The following B4GALNT3 variants were observed in gnomAD, a reference collection of about 807,000 sequenced individuals.
B4GALNT3 encodes the protein beta-1,4-N-acetylgalactosaminyltransferase 3.
Under a neutral mutation model 120.2 loss-of-function variants are expected in B4GALNT3, and 86 were observed. The observed-to-expected ratio is 0.72, with a 90% CI of 0.60 to 0.86. The LOEUF (loss-of-function observed/expected upper bound fraction) is 0.86, where lower values mean the gene tolerates loss of function less well. B4GALNT3 is among the 40% of genes least tolerant of loss of function. The pLI is 0.00. For synonymous variants in B4GALNT3, 518 were observed against 510.4 expected (o/e 1.01, Z -0.20); for missense variants, 1,167 against 1,298.9 (o/e 0.90, Z 1.56).
intron 12 of B4GALNT3, 50 bp from the exon 13 acceptor site, chr12:552,417 T>G: frequency 1.3e-6 from 2 of 1,568,992 alleles, no homozygotes; most frequent in South Asian, 1.1e-5. Flanking sequence ...GAGCCAGGGC[T>G]GAGCCCGCCA....
At chr12:521,196 C>A (rs1249706381) in intron 1 of B4GALNT3, among the ~76,000 whole-genome samples, 1 of 152,150 alleles carries the variant, frequency 6.6e-6, no homozygotes, top group African/African-American at 2.4e-5. Context: ...GGTCCTTCTG[C>A]CAGCAGGACT....
In B4GALNT3 at chr12:511,339, T is replaced by TCTG. The variant is rs1186415493; in HGVS notation, c.170-23826_170-23825insTGC. On this transcript the variant is annotated intron_variant, in intron 1 of 19. Coordinates refer to ENST00000266383, the MANE Select transcript of B4GALNT3 (RefSeq NM_173593.4). The stretch of plus-strand genomic sequence containing the variant: ...GCCTTCTGCCTTCCACCTTCCACCT[T>TCTG]CCTTCCACCTTCCACCTTCCACCTT... Among the ~76,000 whole-genome samples, 505 of 51,142 alleles carry TCTG rather than the reference T, an allele frequency of 9.9e-3. 45 individuals are homozygous for TCTG. The highest frequency in any genetic ancestry group is 0.042 in the African/African-American group (443 of 10,448). 33.6% of individuals were successfully genotyped at this position (51,142 alleles called of 152,430 possible). A position where few individuals can be genotyped will look rare whatever the true frequency, so the allele number is the denominator to read the frequency against.
At position 550,518 on chromosome 12, in the gene B4GALNT3, A is replaced by C. The variant is rs1305722079; in HGVS notation, c.998-404A>C. Among the ~76,000 whole-genome samples, 1 of 152,048 alleles carries C rather than the reference A, an allele frequency of 6.6e-6. No homozygotes were observed. Among genetic ancestry groups the C allele is most frequent in the Non-Finnish European group, 1.5e-5 (1 of 68,036 alleles). On this transcript the variant is annotated intron_variant, in intron 10 of 19. Transcript: ENST00000266383. The surrounding 1 kb of genome is among the most constrained non-coding windows in gnomAD (Gnocchi z 4.1). ...AACAAACAAACAAAAAAAACAACAA[A>C]GTTTCTTTACTCCTCACCCCTCTCA...
At position 550,494 on chromosome 12, in the gene B4GALNT3, AC is replaced by A. The variant is rs5795925; in HGVS notation, c.998-427del. On this transcript the variant is annotated intron_variant, in intron 10 of 19. Coordinates refer to ENST00000266383, the MANE Select transcript of B4GALNT3 (RefSeq NM_173593.4). This position sits in a 1 kb window ranked among gnomAD's most constrained non-coding sequence, Gnocchi z 4.1. ...ACAGAGTGAGATCCTGTCAAAAAAA[AC>A]AAACAAACAAAAAAAACAACAAAGT... Among the ~76,000 whole-genome samples the A allele has an allele frequency of 0.13, 19,441 of 151,508 alleles. 1,490 individuals carry two copies. The highest frequency in any genetic ancestry group is 0.24 in the Admixed American group (3,664 of 15,116).
chr12:511,890 A>T (rs1457538827), intron 1 of B4GALNT3, among the ~76,000 whole-genome samples: 3 of 49,592 alleles, frequency 6.0e-5, no homozygotes, highest in Admixed American at 2.2e-4. Context: ...ACCTTCTTCC[A>T]CCTTCCACCT....
In B4GALNT3 at chr12:550,893, C is replaced by CCTCACT; in HGVS notation, c.998-27_998-22dup. 1.3e-6 allele frequency: 2 copies of CCTCACT among 1,555,740 alleles called. No individual in the cohort carries two copies. Among genetic ancestry groups the CCTCACT allele is most frequent in the Non-Finnish European group, 1.8e-6 (2 of 1,128,046 alleles). On this transcript the variant is annotated intron_variant, in intron 10 of 19. Coordinates refer to ENST00000266383, the MANE Select transcript of B4GALNT3 (RefSeq NM_173593.4). This position sits in a 1 kb window ranked among gnomAD's most constrained non-coding sequence, Gnocchi z 4.1. ...GCCCCAGTTTCGTGCTCACCCTCAC[C>CCTCACT]CTCACTCCTCCTCCTCCACTGTCCT... is the stretch of plus-strand genomic sequence containing the variant.
At chr12:516,001 C>G (rs1261292217) in intron 1 of B4GALNT3, among the ~76,000 whole-genome samples, 4 of 151,918 alleles carry the variant, frequency 2.6e-5, no homozygotes, top group Admixed American at 2.6e-4. Flanking sequence ...CAAAAATTAG[C>G]CAGGCGTGGT....
rs560175299 is a variant in B4GALNT3 at position 469,031 on chromosome 12, T to G, written c.169+8486T>G. ...GTGTATTCTGCAGTTTTTATTTATT[T>G]TGTAAACCTTGAGTGGCTGCAGAAG... On this transcript the variant is annotated intron_variant, in intron 1 of 19. Coordinates refer to ENST00000266383, the MANE Select transcript of B4GALNT3 (RefSeq NM_173593.4). 3.3e-3 allele frequency among the ~76,000 whole-genome samples: 498 copies of G among 152,348 alleles called. 6 individuals carry two copies. Among genetic ancestry groups the G allele is most frequent in the African/African-American group, 0.011 (475 of 41,584 alleles).
At chr12:468,116 C>G (rs776370254) in intron 1 of B4GALNT3, among the ~76,000 whole-genome samples, 1 of 152,150 alleles carries the variant, frequency 6.6e-6, no homozygotes, top group African/African-American at 2.4e-5. Flanking sequence ...TTGTAAACTA[C>G]TTTAGTTTTT....
At chr12:499,084 T>C (rs1946416389) in intron 1 of B4GALNT3, among the ~76,000 whole-genome samples, 1 of 152,242 alleles carries the variant, frequency 6.6e-6, no homozygotes, top group South Asian at 2.1e-4. Context: ...TAATGTATAA[T>C]TTGAGATGAG....
chr12:504,761 C>T (rs551769726), intron 1 of B4GALNT3, among the ~76,000 whole-genome samples: 6 of 152,220 alleles, frequency 3.9e-5, no homozygotes, highest in African/African-American at 1.4e-4. Flanking sequence ...ATTATCATCA[C>T]CATGTTGTCA....
intron 7 of B4GALNT3, 75 bp from the exon 8 acceptor site, chr12:547,949 A>C (rs1947028784): frequency 7.9e-7 from 1 of 1,262,842 alleles, no homozygotes. Context: ...AAGGTGCTGG[A>C]AGGGGGTGGG....
At chr12:492,604 T>G (rs1262654169) in intron 1 of B4GALNT3, among the ~76,000 whole-genome samples, 1 of 152,198 alleles carries the variant, frequency 6.6e-6, no homozygotes, top group Non-Finnish European at 1.5e-5. Context: ...TTGTGAATAT[T>G]GGCAAACTGA....
At chr12:466,024 G>A (rs1946075278) in intron 1 of B4GALNT3, among the ~76,000 whole-genome samples, 1 of 142,904 alleles carries the variant, frequency 7.0e-6, no homozygotes. Flanking sequence ...CCTGGGAGTT[G>A]AGGTCCCATT....
intron 11 of B4GALNT3, among the ~76,000 whole-genome samples, chr12:551,372 G>A (rs1037370544): frequency 5.3e-5 from 8 of 152,196 alleles, no homozygotes; most frequent in South Asian, 2.1e-4. Context: ...GGTCAGTCCC[G>A]CCAGCTAGTG....
At chr12:561,239 C>G in intron 19 of B4GALNT3, 104 bp from the exon 20 acceptor site, 1 of 826,058 alleles carries the variant, frequency 1.2e-6, no homozygotes, top group Non-Finnish European at 2.0e-6. Flanking sequence ...CACCTGCCTT[C>G]CCTGCCCCGT....
rs1027965635 is a variant in B4GALNT3 at position 563,014 on chromosome 12, G to C, written c.*1563G>C. 1 of 152,308 alleles carries C rather than the reference G, an allele frequency of 6.6e-6. No individual in the cohort carries two copies. The highest frequency in any genetic ancestry group is 2.4e-5 in the African/African-American group (1 of 41,442). The allele number at this position is 152,308 out of a possible 1,614,324, so 9.4% of individuals were successfully genotyped here. ...GGCACATGGGAGAATGGAGCCCGTG[G>C]AGAACCTTCTGGGGGGTCGGGGAGA... On this transcript the variant is annotated 3_prime_UTR_variant, in exon 20 of 20. Coordinates refer to ENST00000266383, the MANE Select transcript of B4GALNT3 (RefSeq NM_173593.4).
At chr12:480,223 G>A (rs1291372965) in intron 1 of B4GALNT3, among the ~76,000 whole-genome samples, 1 of 152,150 alleles carries the variant, frequency 6.6e-6, no homozygotes, top group East Asian at 1.9e-4. Flanking sequence ...CCAGGATGGG[G>A]AGTTCTATTC....
At chr12:517,714 GT>G (rs1946670774) in intron 1 of B4GALNT3, among the ~76,000 whole-genome samples, 1 of 152,034 alleles carries the variant, frequency 6.6e-6, no homozygotes, top group South Asian at 2.1e-4. Flanking sequence ...TTATGTACTT[GT>G]CATGTTATCA....
Sources: gnomAD v4.1 joint callset for allele counts (sites outside exome capture counted in the v4.1 genomes callset) on GRCh38, gnomAD v4.1.1 for gene constraint, Gnocchi (gnomAD v3.1) non-coding constraint, MANE v1.5 for transcripts, NCBI Gene and HGNC (gene_info 2026-07-23, HGNC 2026-07-21) for gene names.